The following PIK3CD variants were observed in gnomAD, a reference collection of about 807,000 sequenced individuals.
PIK3CD encodes the protein phosphatidylinositol-4,5-bisphosphate 3-kinase catalytic subunit delta.
Under a neutral mutation model 122.9 loss-of-function variants are expected in PIK3CD, and 20 were observed. That is an observed-to-expected ratio of 0.16 (90% CI 0.11 to 0.24). The LOEUF (loss-of-function observed/expected upper bound fraction) is 0.24. Ranked by LOEUF, PIK3CD falls within the 10% of genes least tolerant of loss-of-function variation. PIK3CD has a pLI of 1.00. For synonymous variants in PIK3CD, 596 were observed against 593.4 expected (o/e 1.00, Z -0.06); for missense variants, 787 against 1,406.3 (o/e 0.56, Z 7.04).
In PIK3CD at chr1:9,715,461, C is replaced by T. The variant is rs1647266094; in HGVS notation, c.142-80C>T. The T allele has an allele frequency of 1.6e-6, 2 of 1,288,954 alleles. No individual in the cohort carries two copies. The highest frequency in any genetic ancestry group is 1.9e-5 in the Admixed American group (1 of 53,858). 79.8% of individuals were successfully genotyped at this position (1,288,954 alleles called of 1,614,324 possible). Reference sequence around the variant, plus strand: ...AGGTTTGGACCCCCAGGCTGGAGGCCAGCTCTCCACCCTCCCTCAGCCTCC... The same window carrying T: ...AGGTTTGGACCCCCAGGCTGGAGGCTAGCTCTCCACCCTCCCTCAGCCTCC... On this transcript the variant is annotated intron_variant, in intron 3 of 23. Coordinates refer to ENST00000377346, the MANE Select transcript of PIK3CD (RefSeq NM_005026.5). This position sits in a 1 kb window ranked among gnomAD's most constrained non-coding sequence, Gnocchi z 4.1.
the PIK3CD span, among the ~76,000 whole-genome samples, chr1:9,639,875 A>G: frequency 2.0e-5 from 3 of 151,966 alleles, no homozygotes; most frequent in African/African-American, 7.2e-5. Context: ...GATTACAGGC[A>G]CCCACCAGTA....
rs1647808420 is a variant in PIK3CD, at chr1:9,717,959, A to G, written c.1020+333A>G. On this transcript the variant is annotated intron_variant, in intron 8 of 23. Coordinates refer to ENST00000377346, the MANE Select transcript of PIK3CD (RefSeq NM_005026.5). The surrounding 1 kb of genome is among the most constrained non-coding windows in gnomAD (Gnocchi z 5.4). Reference sequence around the variant, plus strand: ...CGGGCATGGAAGAGGGGCTGGGTCCAGCTGGGCTGGGGGCTGTGGTGCTCC... The same window carrying G: ...CGGGCATGGAAGAGGGGCTGGGTCCGGCTGGGCTGGGGGCTGTGGTGCTCC... Among the ~76,000 whole-genome samples, 3 of 152,104 alleles carry G rather than the reference A, an allele frequency of 2.0e-5. No individual in the cohort carries two copies. Among genetic ancestry groups the G allele is most frequent in the African/African-American group, 7.2e-5 (3 of 41,500 alleles).
intron 2 of PIK3CD, among the ~76,000 whole-genome samples, chr1:9,708,694 C>CA (rs1336312012): frequency 6.6e-6 from 1 of 151,828 alleles, no homozygotes; most frequent in Non-Finnish European, 1.5e-5. Context: ...ACTAAAAATA[C>CA]AAAAATTAGT....
At position 9,728,245 on chromosome 1, in the gene PIK3CD, G is replaced by A. The variant is rs1649993638; in HGVS notation, c.*1199G>A. On this transcript the variant is annotated 3_prime_UTR_variant, in exon 24 of 24. Coordinates refer to ENST00000377346, the MANE Select transcript of PIK3CD (RefSeq NM_005026.5). ...AAGTGTGAGAACGAGGGGGCGTGCT[G>A]GGATCTTTCTCTCTGACTATACTTA... 1 of 152,302 alleles carries A rather than the reference G, an allele frequency of 6.6e-6. No homozygotes were observed. Among genetic ancestry groups the A allele is most frequent in the Non-Finnish European group, 1.5e-5 (1 of 68,110 alleles). 9.4% of individuals were successfully genotyped at this position (152,302 alleles called of 1,614,324 possible).
At chr1:9,699,856 G>A (rs1646562266) in intron 2 of PIK3CD, among the ~76,000 whole-genome samples, 1 of 152,208 alleles carries the variant, frequency 6.6e-6, no homozygotes, top group African/African-American at 2.4e-5. Flanking sequence ...GCCTCCCAAA[G>A]TGCTGGGATT....
intron 1 of PIK3CD, among the ~76,000 whole-genome samples, chr1:9,654,822 G>A (rs149828136): frequency 1.6e-4 from 25 of 152,204 alleles, no homozygotes; most frequent in Admixed American, 4.6e-4. Flanking sequence ...CACTTTGGGA[G>A]GCCGAGGTGG....
chr1:9,714,849 A>C (rs929874726), intron 3 of PIK3CD, among the ~76,000 whole-genome samples: 1 of 152,066 alleles, frequency 6.6e-6, no homozygotes, highest in Non-Finnish European at 1.5e-5. Context: ...TGCTGTGTTA[A>C]ATATTTCTGA....
In PIK3CD at chr1:9,717,096, T is replaced by G; in HGVS notation, c.918T>G (p.Ile306Met). The change falls in exon 7 of 24, where the codon ATT becomes ATG. Residue 306 changes from isoleucine to methionine, a missense_variant. By Grantham distance (10) the Ile-to-Met change is conservative. Coordinates refer to ENST00000377346, the MANE Select transcript of PIK3CD (RefSeq NM_005026.5). The surrounding 1 kb of genome is among the most constrained non-coding windows in gnomAD (Gnocchi z 5.4). ...VQKPRAKPPP[I>M]PAKKPSSVSL... Reference sequence around the variant, plus strand: ...AACCGCGTGCCAAACCACCTCCCATTCCTGCGAAGAAGGTGAGATGGCGCC... The same window carrying G: ...AACCGCGTGCCAAACCACCTCCCATGCCTGCGAAGAAGGTGAGATGGCGCC... 1 of 1,613,856 alleles carries G rather than the reference T, an allele frequency of 6.2e-7. No individual in the cohort carries two copies. The highest frequency in any genetic ancestry group is 8.5e-7 in the Non-Finnish European group (1 of 1,180,008).
the PIK3CD span, among the ~76,000 whole-genome samples, chr1:9,631,965 TTCCCTCCC>T: frequency 6.7e-6 from 1 of 149,906 alleles, no homozygotes; most frequent in South Asian, 2.1e-4. Context: ...TCCATCCTTC[TTCCCTCCC>T]TCCCTCCCTC....
intron 1 of PIK3CD, among the ~76,000 whole-genome samples, chr1:9,683,070 C>T (rs1166126365): frequency 1.4e-5 from 2 of 138,220 alleles, no homozygotes; most frequent in Admixed American, 7.4e-5. Context: ...GGCTGGGTCT[C>T]GCTAAGATGG....
chr1:9,677,006 G>A (rs535336095), intron 1 of PIK3CD, among the ~76,000 whole-genome samples: 2 of 152,308 alleles, frequency 1.3e-5, no homozygotes, highest in Admixed American at 1.3e-4. Context: ...GGGATGAGGT[G>A]TCCAGAGCCC....
Position 9,715,845 on chromosome 1 carries a change from G to A in PIK3CD, c.371-4G>A, listed in dbSNP as rs775036315. On this transcript the variant is annotated splice_polypyrimidine_tract_variant and splice_region_variant and intron_variant, in intron 4 of 23. Transcript: ENST00000377346. This position sits in a 1 kb window ranked among gnomAD's most constrained non-coding sequence, Gnocchi z 4.1. ...CCGCTGACCCAGCCCTCCCCACCCCGCAGGCCTCCACGAGTTTGACTCCTT... is the reference window on the plus strand; with the variant it reads ...CCGCTGACCCAGCCCTCCCCACCCCACAGGCCTCCACGAGTTTGACTCCTT... 11 of 646,102 alleles carry A rather than the reference G, an allele frequency of 1.7e-5. No homozygotes were observed. The highest frequency in any genetic ancestry group is 4.1e-5 in the South Asian group (3 of 72,974). 40.0% of individuals were successfully genotyped at this position (646,102 alleles called of 1,614,324 possible).
intron 3 of PIK3CD, among the ~76,000 whole-genome samples, chr1:9,713,149 A>G (rs1268028186): frequency 6.6e-6 from 1 of 152,148 alleles, no homozygotes; most frequent in Non-Finnish European, 1.5e-5. Flanking sequence ...GGGCCATTGC[A>G]TTCCAGCCTG....
At chr1:9,688,623 G>T (rs1233585657) in intron 1 of PIK3CD, among the ~76,000 whole-genome samples, 1 of 152,132 alleles carries the variant, frequency 6.6e-6, no homozygotes, top group Non-Finnish European at 1.5e-5. Context: ...CCAGGAGTTC[G>T]AGACCAGCGT....
chr1:9,668,886 G>T (rs1358634822), intron 1 of PIK3CD, among the ~76,000 whole-genome samples: 2 of 152,138 alleles, frequency 1.3e-5, no homozygotes, highest in Non-Finnish European at 2.9e-5. Flanking sequence ...GATGAGTAGG[G>T]GCTGACGGGG....
In PIK3CD at chr1:9,717,661, T is replaced by A. The variant is rs545553305; in HGVS notation, c.1020+35T>A. The stretch of plus-strand genomic sequence containing the variant: ...CTGGGATAGGTGGGAGAGACACTGT[T>A]TTTTTGCACAAACAAGGTGGCTGTA... On this transcript the variant is annotated intron_variant, in intron 8 of 23. Transcript: ENST00000377346. The surrounding 1 kb of genome is among the most constrained non-coding windows in gnomAD (Gnocchi z 5.4). 27 of 1,593,380 alleles carry A rather than the reference T, an allele frequency of 1.7e-5. No homozygotes were observed. The African/African-American group carries it at 2.8e-4, about 17-fold the overall frequency.
intron 3 of PIK3CD, among the ~76,000 whole-genome samples, chr1:9,712,385 A>G (rs1401570747): frequency 6.6e-6 from 1 of 151,756 alleles, no homozygotes; most frequent in Non-Finnish European, 1.5e-5. Context: ...GGTTCAAGCA[A>G]TTCTCCTGCC....
chr1:9,671,042 G>T (rs1645306608), intron 1 of PIK3CD, among the ~76,000 whole-genome samples: 1 of 152,030 alleles, frequency 6.6e-6, no homozygotes, highest in Non-Finnish European at 1.5e-5. Context: ...ACAGATGTGA[G>T]CCACCGCGTC....
chr1:9,663,577 TA>T (rs1431547126), intron 1 of PIK3CD, among the ~76,000 whole-genome samples: 1 of 144,116 alleles, frequency 6.9e-6, no homozygotes, highest in East Asian at 2.5e-4. Context: ...TTTTTATTTT[TA>T]TTTTTTTAAT....
Sources: allele counts gnomAD v4.1 joint callset (sites outside exome capture counted in the v4.1 genomes callset), GRCh38; gene constraint gnomAD v4.1.1; non-coding constraint Gnocchi (gnomAD v3.1); transcripts MANE v1.5; gene names NCBI Gene and HGNC (gene_info 2026-07-23, HGNC 2026-07-21).